KCNIP1: variants seen among roughly 807,000 people sequenced by gnomAD.
The protein encoded by KCNIP1 is potassium voltage-gated channel interacting protein 1.
In KCNIP1, 18 loss-of-function variants were observed where a neutral mutation model predicts 33.0. The observed-to-expected ratio is 0.55, with a 90% CI of 0.38 to 0.81. The LOEUF is 0.81. Ranked by LOEUF, KCNIP1 falls within the 30% of genes least tolerant of loss-of-function variation. The pLI is 0.00. For missense variants in KCNIP1, 238 were observed against 271.6 expected (o/e 0.88, Z 0.87); for synonymous variants, 93 against 98.3 (o/e 0.95, Z 0.32).
chr5:170,612,822 C>T (rs1759221260), intron 1 of KCNIP1, among the ~76,000 whole-genome samples: 2 of 152,150 alleles, frequency 1.3e-5, no homozygotes, highest in Admixed American at 6.5e-5. Flanking sequence ...GCCCTTCCCC[C>T]AAGTGGGGCA....
intron 1 of KCNIP1, among the ~76,000 whole-genome samples, chr5:170,406,692 G>A (rs541426335): frequency 2.0e-5 from 3 of 152,092 alleles, no homozygotes; most frequent in East Asian, 1.9e-4. Flanking sequence ...TTCCTATGTC[G>A]GCCCCAGAAG....
chr5:170,632,475 C>G (rs1346974903), intron 1 of KCNIP1, among the ~76,000 whole-genome samples: 1 of 152,230 alleles, frequency 6.6e-6, no homozygotes, highest in Admixed American at 6.5e-5. Context: ...AGCACTCTGC[C>G]TCCCTAGGCC....
At chr5:170,370,939 C>T (rs1054835562) in intron 1 of KCNIP1, among the ~76,000 whole-genome samples, 3 of 152,278 alleles carry the variant, frequency 2.0e-5, no homozygotes, top group South Asian at 4.1e-4. Context: ...GTTTAGTTAA[C>T]GATAGTAAAA....
chr5:170,688,896 G>A (rs1190315100), intron 1 of KCNIP1, among the ~76,000 whole-genome samples: 1 of 150,626 alleles, frequency 6.6e-6, no homozygotes, highest in East Asian at 2.0e-4. Flanking sequence ...TCATCACCTG[G>A]CTTCTCCAGG....
chr5:170,631,958 G>T (rs1184664365), intron 1 of KCNIP1, among the ~76,000 whole-genome samples: 1 of 152,226 alleles, frequency 6.6e-6, no homozygotes, highest in Non-Finnish European at 1.5e-5. Flanking sequence ...AACTGGTCAG[G>T]GGTGGACCTC....
At chr5:170,533,773 A>G (rs559106798) in intron 1 of KCNIP1, among the ~76,000 whole-genome samples, 46 of 152,320 alleles carry the variant, frequency 3.0e-4, no homozygotes, top group Admixed American at 3.0e-3. Context: ...TGTGTGAACC[A>G]ATATCAGATT....
At chr5:170,649,727 T>C (rs1300985752) in intron 1 of KCNIP1, among the ~76,000 whole-genome samples, 1 of 152,164 alleles carries the variant, frequency 6.6e-6, no homozygotes, top group African/African-American at 2.4e-5. Context: ...CCACCCAGCC[T>C]ATCCATCCTG....
At chr5:170,555,378 C>G (rs975705959) in intron 1 of KCNIP1, among the ~76,000 whole-genome samples, 5 of 152,210 alleles carry the variant, frequency 3.3e-5, no homozygotes, top group African/African-American at 9.6e-5. Context: ...ATGAATGGAG[C>G]ACCTACCATG....
At chr5:170,714,753 A>G (rs144098011) in intron 1 of KCNIP1, among the ~76,000 whole-genome samples, 8 of 152,252 alleles carry the variant, frequency 5.3e-5, no homozygotes, top group Non-Finnish European at 8.8e-5. Context: ...ATAAGAAAAT[A>G]AAGAAAAATA....
intron 1 of KCNIP1, among the ~76,000 whole-genome samples, chr5:170,604,979 C>G (rs1246763736): frequency 6.6e-6 from 1 of 152,240 alleles, no homozygotes. Context: ...TCCCTCTTTC[C>G]CTCCTCCAGC....
intron 1 of KCNIP1, among the ~76,000 whole-genome samples, chr5:170,487,982 C>G (rs1212067836): frequency 1.3e-5 from 2 of 152,166 alleles, no homozygotes; most frequent in African/African-American, 4.8e-5. Flanking sequence ...AAGAGTTAGC[C>G]CTTCTGAAAT....
intron 1 of KCNIP1, among the ~76,000 whole-genome samples, chr5:170,709,725 A>T (rs866193734): frequency 4.3e-4 from 65 of 152,248 alleles, no homozygotes; most frequent in African/African-American, 1.5e-3. Flanking sequence ...TCATTTTTTT[A>T]AAATGTTCAT....
At chr5:170,423,431 C>T (rs1561618956) in intron 1 of KCNIP1, among the ~76,000 whole-genome samples, 1 of 152,134 alleles carries the variant, frequency 6.6e-6, no homozygotes, top group Non-Finnish European at 1.5e-5. Context: ...TACCTCTCTC[C>T]ATTTGTCTCC....
At chr5:170,604,640 C>T (rs1373258417) in intron 1 of KCNIP1, among the ~76,000 whole-genome samples, 2 of 152,144 alleles carry the variant, frequency 1.3e-5, no homozygotes, top group African/African-American at 4.8e-5. Context: ...AGGTCCTATT[C>T]CCTGCTCACT....
chr5:170,570,690 T>C (rs1757374522), intron 1 of KCNIP1, among the ~76,000 whole-genome samples: 1 of 152,198 alleles, frequency 6.6e-6, no homozygotes, highest in Admixed American at 6.5e-5. Context: ...AGGCGGCGGG[T>C]CAGCATTGGA....
chr5:170,572,021 C>T (rs1029279893), intron 1 of KCNIP1, among the ~76,000 whole-genome samples: 2 of 152,084 alleles, frequency 1.3e-5, no homozygotes, highest in African/African-American at 4.8e-5. Flanking sequence ...GTAATGACAG[C>T]CCAAGTAGTC....
chr5:170,722,048 TA>T, intron 4 of KCNIP1, 145 bp downstream of exon 4: 1 of 1,031,078 alleles, frequency 9.7e-7, no homozygotes, highest in Non-Finnish European at 1.4e-6. Context: ...AAGCATTTCC[TA>T]AAGATGGGGA....
At chr5:170,660,302 A>G (rs931061442) in intron 1 of KCNIP1, among the ~76,000 whole-genome samples, 1 of 152,150 alleles carries the variant, frequency 6.6e-6, no homozygotes, top group African/African-American at 2.4e-5. Context: ...CCCTCAAGAT[A>G]TAATAAAAAC....
intron 1 of KCNIP1, among the ~76,000 whole-genome samples, chr5:170,682,893 T>C (rs1025435696): frequency 2.8e-5 from 4 of 141,330 alleles, no homozygotes; most frequent in African/African-American, 1.1e-4. Flanking sequence ...CCTCCCAAAG[T>C]GCTGGGATTA....
Sources: gnomAD v4.1 joint callset for allele counts (sites outside exome capture counted in the v4.1 genomes callset) on GRCh38, gnomAD v4.1.1 for gene constraint, MANE v1.5 for transcripts, NCBI Gene and HGNC (gene_info 2026-07-23, HGNC 2026-07-21) for gene names.